The following CRLF1 variants were observed in gnomAD, a reference collection of about 807,000 sequenced individuals.
CRLF1 encodes cytokine receptor-like factor 1.
CRLF1 carries 36 observed loss-of-function variants against 48.9 expected under a neutral mutation model. The observed-to-expected ratio is 0.74, with a 90% CI of 0.56 to 0.97. The LOEUF (loss-of-function observed/expected upper bound fraction) is 0.97, where lower values mean the gene tolerates loss of function less well. Among genes scored for constraint, CRLF1 ranks in the 50% least tolerant of loss-of-function variants. CRLF1 has a pLI of 0.00. For missense variants in CRLF1, 534 were observed against 575.1 expected (o/e 0.93, Z 0.73); for synonymous variants, 256 against 253.4 (o/e 1.01, Z -0.10).
intron 3 of CRLF1, 28 bp from the exon 4 acceptor site, chr19:18,598,629 C>T: frequency 6.2e-7 from 1 of 1,613,866 alleles, no homozygotes; most frequent in Non-Finnish European, 8.5e-7. Context: ...CGACAGGACG[C>T]ATGAGGGTTC....
intron 1 of CRLF1, among the ~76,000 whole-genome samples, chr19:18,603,987 G>A (rs1313559724): frequency 6.6e-6 from 1 of 152,206 alleles, no homozygotes; most frequent in Non-Finnish European, 1.5e-5. Context: ...ACTCGGGTGT[G>A]CCAGCGTCTC....
rs1041514741 is a variant in CRLF1, at chr19:18,593,428, C to T, written c.*138G>A. On this transcript the variant is annotated 3_prime_UTR_variant, in exon 9 of 9. Transcript: ENST00000392386. ...ACGTGGGAGTCAGAGCTGTTATGGCCGTTGGAGCTCAGGGGCCACCCCAGC... is the reference window on the plus strand; with the variant it reads ...ACGTGGGAGTCAGAGCTGTTATGGCTGTTGGAGCTCAGGGGCCACCCCAGC... The T allele has an allele frequency of 2.1e-5, 26 of 1,236,700 alleles. No homozygotes were observed. The highest frequency in any genetic ancestry group is 2.2e-4 in the Middle Eastern group (1 of 4,582). The allele number at this position is 1,236,700 out of a possible 1,614,324, so 76.6% of individuals were successfully genotyped here.
intron 1 of CRLF1, among the ~76,000 whole-genome samples, chr19:18,603,747 C>T (rs1976249404): frequency 6.6e-6 from 1 of 152,130 alleles, no homozygotes; most frequent in Admixed American, 6.5e-5. Context: ...TTTTCCGGGG[C>T]AAACTTGGCT....
At chr19:18,594,965 AGAGG>A (rs1568439875) in intron 6 of CRLF1, among the ~76,000 whole-genome samples, 2 of 152,096 alleles carry the variant, frequency 1.3e-5, no homozygotes, top group Admixed American at 6.5e-5. Context: ...ACAGAGACAC[AGAGG>A]AAGAGTGACA....
chr19:18,593,988 G>T, intron 8 of CRLF1, 77 bp downstream of exon 8: 1 of 1,525,320 alleles, frequency 6.6e-7, no homozygotes, highest in South Asian at 1.2e-5. Context: ...AGGCGTGGGG[G>T]TGTGAACAAG....
At chr19:18,596,044 C>A (rs534976722) in intron 6 of CRLF1, among the ~76,000 whole-genome samples, 31 of 152,308 alleles carry the variant, frequency 2.0e-4, no homozygotes, top group African/African-American at 7.0e-4. Context: ...GGGCTGTAGG[C>A]CATGCTGTTA....
chr19:18,599,078 T>C (rs1976184159), intron 2 of CRLF1, 177 bp from the exon 3 acceptor site: 3 of 985,176 alleles, frequency 3.0e-6, no homozygotes, highest in Non-Finnish European at 2.4e-6. Context: ...CTGCAAGGGC[T>C]CTTGAGAGGC....
chr19:18,594,029 T>TGGGGGGGGG, intron 8 of CRLF1, 36 bp downstream of exon 8: 12 of 1,366,564 alleles, frequency 8.8e-6, no homozygotes, highest in East Asian at 2.5e-5. Context: ...GCCCTCCCCT[T>TGGGGGGGGG]GCTCCCTCCC....
chr19:18,600,062 A>T (rs1976199933), intron 1 of CRLF1, among the ~76,000 whole-genome samples: 1 of 151,906 alleles, frequency 6.6e-6, no homozygotes, highest in Non-Finnish European at 1.5e-5. Context: ...GGTCTGTCTG[A>T]CTCCAACACT....
chr19:18,598,312 C>T (rs952689735), intron 4 of CRLF1, 120 bp downstream of exon 4: 118 of 1,117,974 alleles, frequency 1.1e-4, no homozygotes, highest in Middle Eastern at 7.7e-4. Context: ...CGGGAGTTGC[C>T]GGGCTGGGGA....
At position 18,605,206 on chromosome 19, in the gene CRLF1, A is replaced by C. The variant is rs368969964; in HGVS notation, c.115+1336T>G. ...GCTGAAAACAAAGCTTGGCGCTCAC[A>C]GTGGCACTCACAGGCGCTGCCCACC... On this transcript the variant is annotated intron_variant, in intron 1 of 8. Transcript: ENST00000392386. 2.6e-4 allele frequency among the ~76,000 whole-genome samples: 39 copies of C among 151,478 alleles called. No homozygotes were observed. The East Asian group carries it at 7.4e-3, about 29-fold the overall frequency.
rs568181473 is a variant in CRLF1 at position 18,595,292 on chromosome 19, G to C, written c.1025-858C>G. 1.0e-3 allele frequency among the ~76,000 whole-genome samples: 154 copies of C among 152,342 alleles called. 1 individual carries two copies. Among genetic ancestry groups the C allele is most frequent in the African/African-American group, 3.6e-3 (149 of 41,590 alleles). ...TGCAAGAATCGCAGGTGCCGGGCACGAGCAGGGGCCAAGGCTCAGGCCCCT... is the reference window on the plus strand; with the variant it reads ...TGCAAGAATCGCAGGTGCCGGGCACCAGCAGGGGCCAAGGCTCAGGCCCCT... On this transcript the variant is annotated intron_variant, in intron 6 of 8. Transcript: ENST00000392386.
At chr19:18,594,032 T>TGGGGCCG in intron 8 of CRLF1, 33 bp downstream of exon 8, 2 of 695,812 alleles carry the variant, frequency 2.9e-6, no homozygotes, top group Non-Finnish European at 4.4e-6. Flanking sequence ...CTCCCCTTGC[T>TGGGGCCG]CCCTCCCGCC....
chr19:18,599,557 C>G lies in CRLF1; in HGVS notation c.397+8G>C. On this transcript the variant is annotated splice_region_variant and intron_variant, in intron 2 of 8. Transcript: ENST00000392386. ...GCTACCCCTGGGGTGTCCTGGGTGC[C>G]AACTTACGGCCAACATAGAGGCAGG... The G allele has an allele frequency of 6.2e-7, 1 of 1,612,056 alleles. No individual in the cohort carries two copies. Among genetic ancestry groups the G allele is most frequent in the African/African-American group, 1.3e-5 (1 of 75,010 alleles).
In CRLF1 at chr19:18,596,721, C is replaced by A. The variant is rs1007785837; in HGVS notation, c.925G>T (p.Val309Leu). Residue 309 changes from valine to leucine, a missense_variant, in exon 6 of 9, where the codon GTG (valine) becomes TTG (leucine). Physicochemically the swap from Val to Leu is conservative, Grantham distance 32. Coordinates refer to ENST00000392386, the MANE Select transcript of CRLF1 (RefSeq NM_004750.5). ...CCAAAGGGGTTGCAGCGCACTTGCA[C>A]GAAGTACACGGTGCCGGGTTTCAGG... is the stretch of plus-strand genomic sequence containing the variant. ...AGLKPGTVYF[V>L]QVRCNPFGIY... The A allele has an allele frequency of 6.2e-7, 1 of 1,613,926 alleles. No individual in the cohort carries two copies. The highest frequency in any genetic ancestry group is 1.3e-5 in the African/African-American group (1 of 74,884).
chr19:18,599,782 G>A lies in CRLF1; in HGVS notation c.180C>T (p.Cys60=), dbSNP rs1193333835. 6.3e-7 allele frequency: 1 copy of A among 1,586,814 alleles called. No individual in the cohort carries two copies. Among genetic ancestry groups the A allele is most frequent in the Admixed American group, 1.8e-5 (1 of 56,734 alleles). ...CTCCTGGTGGGTCTCCGTGCACTGA[G>A]CAGGTGGCCAGCAGGGAGGAGCCGA... is the stretch of plus-strand genomic sequence containing the variant. ...LLIGSSLLAT[C]SVHGDPPGAT... The change falls in exon 2 of 9, where the codon TGC becomes TGT. Residue 60 remains cysteine (C), a synonymous_variant. Coordinates refer to ENST00000392386, the MANE Select transcript of CRLF1 (RefSeq NM_004750.5).
chr19:18,595,112 C>T (rs1976113973), intron 6 of CRLF1, among the ~76,000 whole-genome samples: 1 of 152,226 alleles, frequency 6.6e-6, no homozygotes, highest in East Asian at 1.9e-4. Flanking sequence ...AGCCAGCCCC[C>T]AGCAGGCCGG....
chr19:18,594,329 T>A lies in CRLF1; in HGVS notation c.1130A>T (p.His377Leu). ...LKQFLGWLKK[H>L]AYCSNLSFRL... ...GAAGCTGAGGTTGGAGCAGTACGCG[T>A]GCTTCTTGAGCCAGCCCAGGAACTG... Residue 377 changes from histidine to leucine, a missense_variant, in exon 7 of 9, where the codon CAC (histidine) becomes CTC (leucine). His to Leu is a moderately conservative substitution (Grantham distance 99, BLOSUM62 -3). This residue lies in a region of CRLF1 where 528 missense variants were observed against 555.7 expected (regional missense o/e 0.95). Coordinates refer to ENST00000392386, the MANE Select transcript of CRLF1 (RefSeq NM_004750.5). The A allele has an allele frequency of 6.2e-7, 1 of 1,612,326 alleles. No individual in the cohort carries two copies. Among genetic ancestry groups the A allele is most frequent in the Non-Finnish European group, 8.5e-7 (1 of 1,179,792 alleles).
intron 6 of CRLF1, among the ~76,000 whole-genome samples, chr19:18,595,241 C>T (rs112762873): frequency 0.019 from 2,887 of 152,358 alleles, 99 homozygotes; most frequent in African/African-American, 0.066. Flanking sequence ...GCCTCCCCTG[C>T]GGACGCAGCG....
Sources: gnomAD v4.1 joint callset for allele counts (sites outside exome capture counted in the v4.1 genomes callset) on GRCh38, gnomAD v4.1.1 for gene constraint, gnomAD v4.1.1 regional missense constraint, MANE v1.5 for transcripts, NCBI Gene and HGNC (gene_info 2026-07-23, HGNC 2026-07-21) for gene names.